Variants in NLRP5 observed in about 807,000 individuals in gnomAD.
The protein encoded by NLRP5 is NACHT, LRR and PYD domains-containing protein 5.
In NLRP5, 93 loss-of-function variants were observed where a neutral mutation model predicts 113.1. The ratio of observed to expected loss-of-function variants is 0.82; its 90% CI spans 0.70 to 0.98. The LOEUF is 0.98. NLRP5 is among the 50% of genes least tolerant of loss of function. The probability of loss-of-function intolerance (pLI) is 0.00; values close to 1 mark genes in which losing one functional copy is unlikely to be tolerated. For missense variants in NLRP5, 1,808 were observed against 1,514.3 expected (o/e 1.19, Z -3.22); for synonymous variants, 751 against 600.7 (o/e 1.25, Z -3.66).
rs961203650 is a variant in NLRP5 at position 56,015,687 on chromosome 19, T to C, written c.509-55T>C. On this transcript the variant is annotated intron_variant, in intron 3 of 14. Transcript: ENST00000390649. ...TATCTGGGGTGTCCAACATCTCTGATTTGAATAATATACACAGTATGTTTG... is the reference window on the plus strand; with the variant it reads ...TATCTGGGGTGTCCAACATCTCTGACTTGAATAATATACACAGTATGTTTG... The C allele has an allele frequency of 8.5e-6, 12 of 1,414,636 alleles. No homozygotes were observed. In the African/African-American group the frequency reaches 1.6e-4, roughly 19 times the overall value. The allele number at this position is 1,414,636 out of a possible 1,614,324, so 87.6% of individuals were successfully genotyped here.
At chr19:56,032,210 T>C (rs1472268933) in intron 7 of NLRP5, among the ~76,000 whole-genome samples, 2 of 152,106 alleles carry the variant, frequency 1.3e-5, no homozygotes, top group African/African-American at 4.8e-5. Context: ...CTGTGCATGA[T>C]GGCATGCGCC....
chr19:56,040,620 G>A (rs777297836), intron 10 of NLRP5, among the ~76,000 whole-genome samples: 3 of 152,106 alleles, frequency 2.0e-5, no homozygotes, highest in Non-Finnish European at 2.9e-5. Flanking sequence ...TACTCATTCC[G>A]GCAAAGCCTT....
chr19:56,011,118 A>C (rs892019159), intron 3 of NLRP5, among the ~76,000 whole-genome samples: 2 of 151,996 alleles, frequency 1.3e-5, no homozygotes. Flanking sequence ...GTGTCACTGC[A>C]CTTCAGCCTG....
intron 6 of NLRP5, among the ~76,000 whole-genome samples, chr19:56,025,712 T>G (rs1338242465): frequency 6.6e-6 from 1 of 151,808 alleles, no homozygotes; most frequent in Non-Finnish European, 1.5e-5. Context: ...ATCCGGCCAT[T>G]CCCCTCTTTA....
rs548771872 is a variant in NLRP5, at chr19:56,021,552, G to A, written c.679+1121G>A. Among the ~76,000 whole-genome samples, 7 of 152,194 alleles carry A rather than the reference G, an allele frequency of 4.6e-5. No individual in the cohort carries two copies. In the South Asian group the frequency reaches 6.2e-4, roughly 13 times the overall value. ...TCTCTAAACTCTCCGATTCCAGATC[G>A]GTCATGTAGATGGAATCATATGATA... On this transcript the variant is annotated intron_variant, in intron 6 of 14. Transcript: ENST00000390649.
chr19:55,988,419 C>T, the NLRP5 span: 1 of 112,430 alleles, frequency 8.9e-6, no homozygotes, highest in Non-Finnish European at 1.8e-5. Flanking sequence ...AATACATATA[C>T]ACATAAATAT....
At chr19:56,014,055 A>G (rs1334535346) in intron 3 of NLRP5, among the ~76,000 whole-genome samples, 1 of 152,144 alleles carries the variant, frequency 6.6e-6, no homozygotes, top group Non-Finnish European at 1.5e-5. Context: ...ACATAATTTT[A>G]TATATTCCCC....
chr19:56,012,165 C>G (rs1279177159), intron 3 of NLRP5, among the ~76,000 whole-genome samples: 2 of 151,758 alleles, frequency 1.3e-5, no homozygotes. Flanking sequence ...TTTTTTCTTT[C>G]TCCCACAGAG....
intron 3 of NLRP5, among the ~76,000 whole-genome samples, chr19:56,012,868 C>T (rs148704616): frequency 3.1e-4 from 47 of 152,274 alleles, no homozygotes; most frequent in Admixed American, 3.0e-3. Flanking sequence ...TTTGAGTGAA[C>T]TGGTCTGTAA....
chr19:55,991,392 C>T, the NLRP5 span, among the ~76,000 whole-genome samples: 4 of 152,092 alleles, frequency 2.6e-5, no homozygotes, highest in Admixed American at 2.6e-4. Flanking sequence ...CATTGAGTTT[C>T]TTGTCCTGAT....
intron 5 of NLRP5, among the ~76,000 whole-genome samples, chr19:56,019,604 A>G (rs556645425): frequency 1.5e-4 from 23 of 152,244 alleles, no homozygotes; most frequent in Admixed American, 1.4e-3. Flanking sequence ...CTACAGTCAG[A>G]TACTATGAAG....
At chr19:55,993,984 A>C in the NLRP5 span, among the ~76,000 whole-genome samples, 1 of 151,920 alleles carries the variant, frequency 6.6e-6, no homozygotes, top group African/African-American at 2.4e-5. Context: ...ACTTCGGGTA[A>C]ATCACCAGAT....
chr19:56,016,552 C>T (rs1243724199), intron 4 of NLRP5, among the ~76,000 whole-genome samples: 1 of 152,208 alleles, frequency 6.6e-6, no homozygotes, highest in African/African-American at 2.4e-5. Context: ...ACTTACTCCT[C>T]TTGTCTAGCT....
At chr19:55,996,468 A>G (rs760465568), upstream of NLRP5, among the ~76,000 whole-genome samples, 4 of 152,132 alleles carry the variant, frequency 2.6e-5, no homozygotes, top group Non-Finnish European at 5.9e-5. Context: ...CATCATTTAC[A>G]TTAGGTATAT....
chr19:55,989,278 C>G, the NLRP5 span, among the ~76,000 whole-genome samples: 1 of 152,134 alleles, frequency 6.6e-6, no homozygotes. Flanking sequence ...ATGTGTTAGA[C>G]AAAGTCTCCC....
chr19:56,061,688 C>G lies in NLRP5; in HGVS notation c.*160C>G, dbSNP rs1984361272. 1.3e-6 allele frequency: 1 copy of G among 784,954 alleles called. No individual in the cohort carries two copies. Among genetic ancestry groups the G allele is most frequent in the Non-Finnish European group, 2.1e-6 (1 of 487,112 alleles). 48.6% of individuals were successfully genotyped at this position (784,954 alleles called of 1,614,324 possible). A position where few individuals can be genotyped will look rare whatever the true frequency, so the allele number is the denominator to read the frequency against. On this transcript the variant is annotated 3_prime_UTR_variant, in exon 15 of 15. Coordinates refer to ENST00000390649, the MANE Select transcript of NLRP5 (RefSeq NM_153447.4). The stretch of plus-strand genomic sequence containing the variant: ...TGGTAGTGATTCTTCTGTGTTCACT[C>G]TACGTTGGTTACTGGATTTGAAGGC...
At chr19:56,061,166 T>C (rs1322685659) in intron 14 of NLRP5, among the ~76,000 whole-genome samples, 1 of 152,194 alleles carries the variant, frequency 6.6e-6, no homozygotes, top group Non-Finnish European at 1.5e-5. Flanking sequence ...TTCAGCCAGT[T>C]CTTTCATAAG....
At chr19:56,005,640 A>ACG (rs530215925) in intron 2 of NLRP5, among the ~76,000 whole-genome samples, 9,226 of 141,786 alleles carry the variant, frequency 0.065, 487 homozygotes, top group East Asian at 0.18. Context: ...ACACACACAC[A>ACG]CACGCGCGCA....
intron 13 of NLRP5, among the ~76,000 whole-genome samples, chr19:56,055,752 A>T (rs111360995): frequency 6.6e-6 from 1 of 151,098 alleles, no homozygotes; most frequent in Admixed American, 6.6e-5. Flanking sequence ...TCACCGTGTT[A>T]GCCAGGATGG....
Sources: gnomAD v4.1 joint callset for allele counts (sites outside exome capture counted in the v4.1 genomes callset) on GRCh38, gnomAD v4.1.1 for gene constraint, MANE v1.5 for transcripts, NCBI Gene and HGNC (gene_info 2026-07-23, HGNC 2026-07-21) for gene names.